Variants in SPAG17 observed in about 807,000 individuals in gnomAD.
SPAG17 encodes the protein sperm associated antigen 17.
SPAG17 carries 169 observed loss-of-function variants against 273.6 expected under a neutral mutation model. The observed-to-expected ratio is 0.62, with a 90% CI of 0.55 to 0.70. The LOEUF (loss-of-function observed/expected upper bound fraction) is 0.70, where lower values mean the gene tolerates loss of function less well. Ranked by LOEUF, SPAG17 falls within the 30% of genes least tolerant of loss-of-function variation. SPAG17 has a pLI of 0.00. For missense variants in SPAG17, 2,557 were observed against 2,627.8 expected (o/e 0.97, Z 0.59); for synonymous variants, 825 against 873.2 (o/e 0.94, Z 0.97).
chr1:118,135,371 A>ATGTG (rs57793942), intron 3 of SPAG17, among the ~76,000 whole-genome samples: 2,642 of 139,982 alleles, frequency 0.019, 34 homozygotes, highest in African/African-American at 0.03. Flanking sequence ...AGCTCAAGCA[A>ATGTG]TGTGTGTGTG....
At chr1:118,103,893 C>G (rs1238492882) in intron 4 of SPAG17, among the ~76,000 whole-genome samples, 1 of 111,416 alleles carries the variant, frequency 9.0e-6, no homozygotes, top group African/African-American at 3.4e-5. Context: ...GCATAAGAGG[C>G]TGCGTGTGTT....
At chr1:118,059,104 T>A (rs1011306487) in intron 18 of SPAG17, among the ~76,000 whole-genome samples, 1 of 152,128 alleles carries the variant, frequency 6.6e-6, no homozygotes, top group Non-Finnish European at 1.5e-5. Context: ...AAAGCAGAAA[T>A]TACTCAAATT....
At chr1:117,987,709 A>G in intron 40 of SPAG17, 125 bp downstream of exon 40, 1 of 904,284 alleles carries the variant, frequency 1.1e-6, no homozygotes. Context: ...ACCACTTGGT[A>G]GACATGTTGC....
intron 28 of SPAG17, among the ~76,000 whole-genome samples, chr1:118,021,848 C>G (rs1202475504): frequency 6.6e-6 from 1 of 152,070 alleles, no homozygotes; most frequent in Non-Finnish European, 1.5e-5. Flanking sequence ...TATATCAAGT[C>G]CTCTGTATCA....
At chr1:118,130,110 C>T (rs577990098) in intron 3 of SPAG17, among the ~76,000 whole-genome samples, 2 of 152,266 alleles carry the variant, frequency 1.3e-5, no homozygotes, top group African/African-American at 4.8e-5. Flanking sequence ...ATTTCCTTGT[C>T]CTCCCCCTTA....
chr1:118,096,843 G>A (rs1345759299), intron 7 of SPAG17, among the ~76,000 whole-genome samples: 2 of 152,074 alleles, frequency 1.3e-5, no homozygotes, highest in African/African-American at 4.8e-5. Flanking sequence ...TCAATAGCAG[G>A]GGCCAGTAAA....
intron 19 of SPAG17, among the ~76,000 whole-genome samples, chr1:118,054,781 C>T (rs1284065211): frequency 2.0e-5 from 3 of 151,682 alleles, no homozygotes; most frequent in African/African-American, 7.3e-5. Flanking sequence ...CCCATCAGGA[C>T]CCAGAATTGA....
In SPAG17 at chr1:118,099,607, T is replaced by G. The variant is rs565999997; in HGVS notation, c.828A>C (p.Glu276Asp). The G allele has an allele frequency of 6.2e-7, 1 of 1,613,804 alleles. No individual in the cohort carries two copies. The highest frequency in any genetic ancestry group is 1.7e-5 in the Admixed American group (1 of 59,998). ...TAAGTTGTGTAGCAGACTGCATACC[T>G]TCTGACTGAAGAAGAACTTCCTGCT... ...NQQQEVLLQSEDLEAEKLKKE... is the reference protein window; with the variant it reads ...NQQQEVLLQSDDLEAEKLKKE... Residue 276 changes from glutamate (E) to aspartate (D), a missense_variant and splice_region_variant, in exon 6 of 49, where the codon GAA becomes GAC. Physicochemically the swap from Glu to Asp is conservative, Grantham distance 45. Coordinates refer to ENST00000336338, the MANE Select transcript of SPAG17 (RefSeq NM_206996.4).
intron 20 of SPAG17, among the ~76,000 whole-genome samples, chr1:118,045,502 C>T (rs930825319): frequency 2.0e-5 from 3 of 152,192 alleles, no homozygotes; most frequent in Non-Finnish European, 4.4e-5. Context: ...GCTTGGGACT[C>T]TTCTGGACCT....
chr1:118,015,118 C>T (rs1375163188), intron 29 of SPAG17, among the ~76,000 whole-genome samples: 3 of 151,394 alleles, frequency 2.0e-5, no homozygotes, highest in South Asian at 2.1e-4. Flanking sequence ...AACCCTGTCT[C>T]TACTAAAAAT....
intron 7 of SPAG17, among the ~76,000 whole-genome samples, chr1:118,095,481 T>A (rs554553908): frequency 9.6e-4 from 146 of 152,332 alleles, no homozygotes; most frequent in Non-Finnish European, 1.8e-3. Context: ...GGATCTCCTG[T>A]GTCTTGTTGA....
At chr1:118,062,793 C>A (rs138283734) in intron 18 of SPAG17, among the ~76,000 whole-genome samples, 264 of 152,218 alleles carry the variant, frequency 1.7e-3, no homozygotes, top group Admixed American at 0.016. Flanking sequence ...AATTAGAGAA[C>A]ATTCCTTCCT....
At chr1:118,169,076 C>G (rs1252089599) in intron 1 of SPAG17, among the ~76,000 whole-genome samples, 6 of 152,178 alleles carry the variant, frequency 3.9e-5, no homozygotes, top group African/African-American at 1.2e-4. Context: ...CATTTCTTAA[C>G]TAACATTTTC....
At chr1:117,978,747 T>C (rs1382098126) in intron 43 of SPAG17, among the ~76,000 whole-genome samples, 1 of 152,124 alleles carries the variant, frequency 6.6e-6, no homozygotes, top group African/African-American at 2.4e-5. Context: ...TTCAATCCCA[T>C]CTTCCTCCCT....
chr1:117,983,934 A>G (rs1274871442), intron 41 of SPAG17, 21 bp from the exon 42 acceptor site: 1 of 1,327,700 alleles, frequency 7.5e-7, no homozygotes, highest in Admixed American at 1.8e-5. Context: ...AAAAAAACTT[A>G]TTTTAGACTT....
intron 48 of SPAG17, chr1:117,958,840 A>T: frequency 9.8e-7 from 1 of 1,017,498 alleles, no homozygotes. Context: ...GTGTCTGTTT[A>T]CTGTTTCTAG....
rs141624491 is a variant in SPAG17, at chr1:118,110,271, G to C, written c.447+5039C>G. Among the ~76,000 whole-genome samples, 710 of 152,204 alleles carry C rather than the reference G, an allele frequency of 4.7e-3. 6 individuals carry two copies. The highest frequency in any genetic ancestry group is 0.016 in the African/African-American group (683 of 41,534). On this transcript the variant is annotated intron_variant, in intron 4 of 48. Coordinates refer to ENST00000336338, the MANE Select transcript of SPAG17 (RefSeq NM_206996.4). ...ATGATAGAGTGGACACTGTGATAATGAGTAGAAATTATAATCTATCTTAAC... is the reference window on the plus strand; with the variant it reads ...ATGATAGAGTGGACACTGTGATAATCAGTAGAAATTATAATCTATCTTAAC...
chr1:118,083,347 T>C (rs1349517898), intron 13 of SPAG17, among the ~76,000 whole-genome samples: 1 of 151,968 alleles, frequency 6.6e-6, no homozygotes, highest in Non-Finnish European at 1.5e-5. Flanking sequence ...ATTCAGGTGG[T>C]TGTGTGGAAA....
chr1:118,185,081 T>G lies in SPAG17; in HGVS notation c.77A>C (p.Gln26Pro). Residue 26 changes from glutamine (Q) to proline (P), a missense_variant, in exon 1 of 49, where the codon CAG (glutamine) becomes CCG (proline). Physicochemically the swap from Gln to Pro is moderately conservative, Grantham distance 76. Transcript: ENST00000336338. ...KIWEPSLIAAQFNQNDWQASI... is the reference protein window; with the variant it reads ...KIWEPSLIAAPFNQNDWQASI... ...GGGCTCAAGGCTCACCTGATTGAAC[T>G]GTGCAGCTATGAGCGAGGGTTCCCA... The G allele has an allele frequency of 6.2e-7, 1 of 1,614,088 alleles. No individual in the cohort carries two copies. Among genetic ancestry groups the G allele is most frequent in the South Asian group, 1.1e-5 (1 of 91,076 alleles).
Sources: allele counts gnomAD v4.1 joint callset (sites outside exome capture counted in the v4.1 genomes callset), GRCh38; gene constraint gnomAD v4.1.1; transcripts MANE v1.5; gene names NCBI Gene and HGNC (gene_info 2026-07-23, HGNC 2026-07-21).